The following TOP1 variants were observed in gnomAD, a reference collection of about 807,000 sequenced individuals.
The protein encoded by TOP1 is DNA topoisomerase 1.
A neutral mutation model predicts 111.1 loss-of-function variants in TOP1; 10 were observed. That is an observed-to-expected ratio of 0.09 (90% CI 0.06 to 0.15). TOP1 has a LOEUF of 0.15. Ranked by LOEUF, TOP1 falls within the 10% of genes least tolerant of loss-of-function variation. TOP1 has a pLI of 1.00. For missense variants in TOP1, 474 were observed against 926.7 expected, an observed-to-expected ratio of 0.51 and a Z score of 6.34; for synonymous variants, 271 against 302.9, an observed-to-expected ratio of 0.89 and a Z score of 1.10.
chr20:41,052,621 G>A (rs915044414), intron 2 of TOP1, among the ~76,000 whole-genome samples: 1 of 151,908 alleles, frequency 6.6e-6, no homozygotes, highest in African/African-American at 2.4e-5. Flanking sequence ...TGTATATTTT[G>A]TTTCCTTTCT....
rs757869799 is a variant in TOP1, at chr20:41,071,697, T to C, written c.156-4474T>C. 3.9e-5 allele frequency among the ~76,000 whole-genome samples: 6 copies of C among 152,228 alleles called. No homozygotes were observed. The highest frequency in any genetic ancestry group is 7.3e-5 in the Non-Finnish European group (5 of 68,042). On this transcript the variant is annotated intron_variant, in intron 3 of 20. Transcript: ENST00000361337. This position sits in a 1 kb window ranked among gnomAD's most constrained non-coding sequence, Gnocchi z 4.3. ...GCCAATTGAAGCATAACACATGGCA[T>C]GAACACTCTGGAAAGGTGGCTTTGG...
rs6102287 is a variant in TOP1 at position 41,116,010 on chromosome 20, A to G, written c.1708-268A>G. Among the ~76,000 whole-genome samples the G allele has an allele frequency of 0.56, 85,762 of 151,970 alleles. 25,236 individuals are homozygous for G. The highest frequency in any genetic ancestry group is 0.82 in the East Asian group (4,234 of 5,170). On this transcript the variant is annotated intron_variant, in intron 16 of 20. Transcript: ENST00000361337. This position sits in a 1 kb window ranked among gnomAD's most constrained non-coding sequence, Gnocchi z 5.6. ...TTGCATGAGCCCGGGAGGTGGAGGC[A>G]GCAGTGAACCGAGATTGTACCACTG...
chr20:41,114,264 T>G lies in TOP1; in HGVS notation c.1638+109T>G. The G allele has an allele frequency of 1.1e-6, 1 of 951,344 alleles. No individual in the cohort carries two copies. The highest frequency in any genetic ancestry group is 1.6e-6 in the Non-Finnish European group (1 of 620,098). 58.9% of individuals were successfully genotyped at this position (951,344 alleles called of 1,614,324 possible). A position where few individuals can be genotyped will look rare whatever the true frequency, so the allele number is the denominator to read the frequency against. ...TTTGCTGGGCACCAGCAAAAGTGAC[T>G]TGAGACAGGCAACATGGCACATGCC... is the stretch of plus-strand genomic sequence containing the variant. On this transcript the variant is annotated intron_variant, in intron 15 of 20. Coordinates refer to ENST00000361337, the MANE Select transcript of TOP1 (RefSeq NM_003286.4). This position sits in a 1 kb window ranked among gnomAD's most constrained non-coding sequence, Gnocchi z 4.5.
At chr20:41,056,764 G>T (rs1389116265) in intron 2 of TOP1, among the ~76,000 whole-genome samples, 1 of 152,150 alleles carries the variant, frequency 6.6e-6, no homozygotes, top group African/African-American at 2.4e-5. Context: ...TTGTAAACAT[G>T]AGCCACCGTG....
intron 2 of TOP1, among the ~76,000 whole-genome samples, chr20:41,039,758 A>G (rs895179243): frequency 6.6e-6 from 1 of 152,212 alleles, no homozygotes; most frequent in African/African-American, 2.4e-5. Flanking sequence ...AATACAAAAA[A>G]CTAGCCGGGC....
rs944864880 is a variant in TOP1, at chr20:41,068,197, C to G, written c.155+6707C>G. On this transcript the variant is annotated intron_variant, in intron 3 of 20. Transcript: ENST00000361337. ...CACCTCAGGCACTGCCTTTATCTCT[C>G]TTTGTCCCCAAATCCCTGAAATCTT... Among the ~76,000 whole-genome samples, 26 of 152,356 alleles carry G rather than the reference C, an allele frequency of 1.7e-4. 1 individual carries two copies. Among genetic ancestry groups the G allele is most frequent in the Non-Finnish European group, 3.2e-4 (22 of 68,040 alleles).
intron 2 of TOP1, among the ~76,000 whole-genome samples, chr20:41,051,889 G>A (rs1277465200): frequency 6.6e-6 from 1 of 151,818 alleles, no homozygotes; most frequent in Non-Finnish European, 1.5e-5. Flanking sequence ...TCAAGGAGAA[G>A]GTTTAGGAAT....
At position 41,082,215 on chromosome 20, in the gene TOP1, G is replaced by C. The variant is rs2033796889; in HGVS notation, c.507+975G>C. 1.3e-5 allele frequency among the ~76,000 whole-genome samples: 2 copies of C among 152,196 alleles called. No individual in the cohort carries two copies. Among genetic ancestry groups the C allele is most frequent in the South Asian group, 4.1e-4 (2 of 4,832 alleles). On this transcript the variant is annotated intron_variant, in intron 7 of 20. Coordinates refer to ENST00000361337, the MANE Select transcript of TOP1 (RefSeq NM_003286.4). This position sits in a 1 kb window ranked among gnomAD's most constrained non-coding sequence, Gnocchi z 4.1. ...TTGAAGTACCAGCAGTAAAGAGAAT[G>C]ATAGTGAAGGGGCAGGGAGTCTTAA...
At position 41,101,398 on chromosome 20, in the gene TOP1, C is replaced by T. The variant is rs1391502417; in HGVS notation, c.1308+45C>T. ...CTGCACTGGTTCATGGTGCTGATAA[C>T]CTTTTTTTGTTGAAATGTAACGTTC... On this transcript the variant is annotated intron_variant, in intron 13 of 20. Transcript: ENST00000361337. This position sits in a 1 kb window ranked among gnomAD's most constrained non-coding sequence, Gnocchi z 4.1. The T allele has an allele frequency of 1.3e-6, 2 of 1,574,844 alleles. No individual in the cohort carries two copies. The highest frequency in any genetic ancestry group is 1.7e-4 in the Middle Eastern group (1 of 5,888).
At chr20:41,064,522 T>G (rs183198342) in intron 3 of TOP1, among the ~76,000 whole-genome samples, 1 of 152,354 alleles carries the variant, frequency 6.6e-6, no homozygotes, top group African/African-American at 2.4e-5. Context: ...GCTACCTGTT[T>G]TGCTGTTTAT....
At chr20:41,111,445 T>C (rs182939844) in intron 13 of TOP1, among the ~76,000 whole-genome samples, 72 of 152,232 alleles carry the variant, frequency 4.7e-4, no homozygotes, top group Non-Finnish European at 8.7e-4. Context: ...CTGGTACACA[T>C]GATGTGAGAG....
chr20:41,041,830 A>G lies in TOP1; in HGVS notation c.58+12375A>G, dbSNP rs117756447. On this transcript the variant is annotated intron_variant, in intron 2 of 20. Transcript: ENST00000361337. ...TACTATCTTATTTGGCTAAAGATCT[A>G]TATTTTGCTTCATTCAATTACGATA... Among the ~76,000 whole-genome samples the G allele has an allele frequency of 8.2e-3, 1,244 of 152,258 alleles. 6 individuals are homozygous for G. Among genetic ancestry groups the G allele is most frequent in the Non-Finnish European group, 9.7e-3 (658 of 68,024 alleles).
In TOP1 at chr20:41,046,273, T is replaced by C. The variant is rs1433381299; in HGVS notation, c.59-15121T>C. 6.6e-6 allele frequency among the ~76,000 whole-genome samples: 1 copy of C among 152,236 alleles called. No individual in the cohort carries two copies. The highest frequency in any genetic ancestry group is 2.4e-5 in the African/African-American group (1 of 41,464). On this transcript the variant is annotated intron_variant, in intron 2 of 20. Transcript: ENST00000361337. The surrounding 1 kb of genome is among the most constrained non-coding windows in gnomAD (Gnocchi z 4.3). ...CTGGGCCAGTTTACTTTTGAAGAAA[T>C]TGAATCTCACGGTTTAAGTAAAGTA...
At chr20:41,033,817 G>A (rs143301839) in intron 2 of TOP1, among the ~76,000 whole-genome samples, 260 of 152,212 alleles carry the variant, frequency 1.7e-3, no homozygotes, top group African/African-American at 5.9e-3. Flanking sequence ...ATCCAAAGTC[G>A]TTTCCTCAGA....
chr20:41,104,994 A>G (rs1483230040), intron 13 of TOP1, among the ~76,000 whole-genome samples: 1 of 152,170 alleles, frequency 6.6e-6, no homozygotes, highest in African/African-American at 2.4e-5. Flanking sequence ...TGTAATGAAC[A>G]CTCGTATGTC....
At chr20:41,057,350 C>G (rs2033486575) in intron 2 of TOP1, among the ~76,000 whole-genome samples, 1 of 151,832 alleles carries the variant, frequency 6.6e-6, no homozygotes. Context: ...CCACTGCACT[C>G]CAGCCTGGGT....
rs1001171862 is a variant in TOP1 at position 41,106,296 on chromosome 20, G to A, written c.1308+4943G>A. Among the ~76,000 whole-genome samples, 4 of 152,146 alleles carry A rather than the reference G, an allele frequency of 2.6e-5. No homozygotes were observed. Among genetic ancestry groups the A allele is most frequent in the Non-Finnish European group, 5.9e-5 (4 of 68,016 alleles). ...CTACTGTAGCTTTATAAAGTCTATT[G>A]AGTAGGACAAGTTTGTTTCATTCTT... On this transcript the variant is annotated intron_variant, in intron 13 of 20. Transcript: ENST00000361337. The surrounding 1 kb of genome is among the most constrained non-coding windows in gnomAD (Gnocchi z 4.3).
intron 3 of TOP1, among the ~76,000 whole-genome samples, chr20:41,062,467 C>T (rs2033557292): frequency 6.6e-6 from 1 of 152,110 alleles, no homozygotes; most frequent in Admixed American, 6.5e-5. Flanking sequence ...TTTCCCTATC[C>T]CTCACTTATC....
chr20:41,088,266 A>G (rs1050405136), intron 8 of TOP1, among the ~76,000 whole-genome samples: 3 of 152,150 alleles, frequency 2.0e-5, no homozygotes, highest in Admixed American at 1.3e-4. Context: ...TGGAAGGCCG[A>G]AGCGGGCAGA....
Sources: allele counts gnomAD v4.1 joint callset (sites outside exome capture counted in the v4.1 genomes callset), GRCh38; gene constraint gnomAD v4.1.1; non-coding constraint Gnocchi (gnomAD v3.1); transcripts MANE v1.5; gene names NCBI Gene and HGNC (gene_info 2026-07-23, HGNC 2026-07-21).